Variants in CERS5 observed in about 807,000 individuals in gnomAD.
The protein encoded by CERS5 is LAG1 homolog, ceramide synthase 5.
A neutral mutation model predicts 58.9 loss-of-function variants in CERS5; 37 were observed. That is an observed-to-expected ratio of 0.63 (90% CI 0.48 to 0.83). The LOEUF (loss-of-function observed/expected upper bound fraction) is 0.83, where lower values mean the gene tolerates loss of function less well. Ranked by LOEUF, CERS5 falls within the 40% of genes least tolerant of loss-of-function variation. The pLI is 0.00. For synonymous variants in CERS5, 147 were observed against 177.8 expected (o/e 0.83, Z 1.38); for missense variants, 398 against 489.3 (o/e 0.81, Z 1.76).
intron 9 of CERS5, among the ~76,000 whole-genome samples, chr12:50,130,926 GGTAGAGGAGTGT>G (rs1951283431): frequency 6.6e-6 from 1 of 152,158 alleles, no homozygotes. Flanking sequence ...AAGCTACTTT[GGTAGAGGAGTGT>G]GTCTTTCAGG....
At chr12:50,138,063 A>G (rs1951779370) in intron 5 of CERS5, among the ~76,000 whole-genome samples, 1 of 152,324 alleles carries the variant, frequency 6.6e-6, no homozygotes. Flanking sequence ...CAGTTAACAC[A>G]TACTGTAACA....
chr12:50,135,305 AGGAGTGTGTGTGTGTGT>A lies in CERS5; in HGVS notation c.872+410_872+426del. On this transcript the variant is annotated intron_variant, in intron 8 of 9. Coordinates refer to ENST00000317551, the MANE Select transcript of CERS5 (RefSeq NM_147190.5). The stretch of plus-strand genomic sequence containing the variant: ...AGAGGAGAGGGAGGAAGAGAGAGAG[AGGAGTGTGTGTGTGTGT>A]GTGTGTGTGTGTGTGTGTGTGTGTG... The A allele has an allele frequency of 5.1e-5, 11 of 216,928 alleles. No individual in the cohort carries two copies. The East Asian group carries it at 1.2e-3, about 24-fold the overall frequency. 13.4% of individuals were successfully genotyped at this position (216,928 alleles called of 1,614,324 possible). A position where few individuals can be genotyped will look rare whatever the true frequency, so the allele number is the denominator to read the frequency against.
intron 1 of CERS5, among the ~76,000 whole-genome samples, chr12:50,153,643 A>T (rs980139222): frequency 1.3e-5 from 2 of 152,160 alleles, no homozygotes; most frequent in African/African-American, 4.8e-5. Context: ...CAAATGATGG[A>T]TACATGATGT....
intron 9 of CERS5, chr12:50,133,297 G>A (rs1214468143): frequency 9.3e-7 from 1 of 1,076,396 alleles, no homozygotes; most frequent in African/African-American, 1.6e-5. Context: ...CTAGCCCTTT[G>A]ACTACAGTCT....
At chr12:50,135,501 C>CT (rs1190038216) in intron 8 of CERS5, 2 of 692,472 alleles carry the variant, frequency 2.9e-6, no homozygotes, top group Admixed American at 2.0e-5. Context: ...GCCGGGTACT[C>CT]TGAGTCTGGA....
At chr12:50,139,814 C>G (rs1951869460) in intron 4 of CERS5, among the ~76,000 whole-genome samples, 2 of 152,050 alleles carry the variant, frequency 1.3e-5, no homozygotes. Context: ...CAAACAAAAA[C>G]CCCACAAATG....
chr12:50,166,038 C>T (rs907145264), intron 1 of CERS5: 1 of 431,234 alleles, frequency 2.3e-6, no homozygotes, highest in Non-Finnish European at 4.6e-6. Flanking sequence ...GAAGCTGGCT[C>T]AAGGCCGGGT....
At chr12:50,150,527 C>G (rs1026394803) in intron 1 of CERS5, among the ~76,000 whole-genome samples, 2 of 151,982 alleles carry the variant, frequency 1.3e-5, no homozygotes, top group Non-Finnish European at 1.5e-5. Context: ...AGAGAAAGAA[C>G]AGAATATACG....
At chr12:50,139,981 T>C (rs1317295471) in intron 4 of CERS5, among the ~76,000 whole-genome samples, 1 of 151,660 alleles carries the variant, frequency 6.6e-6, no homozygotes, top group Non-Finnish European at 1.5e-5. Context: ...TACCTTAGCC[T>C]CAAAGTGAGG....
chr12:50,143,004 A>G (rs1337311838), intron 3 of CERS5, 70 bp downstream of exon 3: 3 of 1,495,780 alleles, frequency 2.0e-6, no homozygotes, highest in Non-Finnish European at 2.7e-6. Context: ...GTGATGTTCA[A>G]AACAGAAACT....
intron 1 of CERS5, among the ~76,000 whole-genome samples, chr12:50,155,989 T>C (rs1938552611): frequency 6.8e-6 from 1 of 146,148 alleles, no homozygotes; most frequent in African/African-American, 2.5e-5. Context: ...CAGTCCCAGC[T>C]ACTCGGAGGC....
Position 50,130,677 on chromosome 12 carries a change from G to A in CERS5, c.1047C>T (p.Arg349=). 6.3e-7 allele frequency: 1 copy of A among 1,596,198 alleles called. No homozygotes were observed. The highest frequency in any genetic ancestry group is 1.3e-5 in the African/African-American group (1 of 74,762). Residue 349 remains arginine (R), a synonymous_variant, in exon 10 of 10, where the codon CGC becomes CGT. Transcript: ENST00000317551. The part of the protein sequence containing the change: ...LIRGKVSKDD[R]SDVESSSEEE... ...CCTCTGAGCTGCTCTCCACATCACT[G>A]CGATCATCCTTCGATACCTGGGTGG...
At position 50,137,771 on chromosome 12, in the gene CERS5, T is replaced by A; in HGVS notation, c.593A>T (p.Tyr198Phe). The stretch of plus-strand genomic sequence containing the variant: ...AAACTGAGAAAACATAAGGGACCAA[T>A]AGAAGGCCAATTCCATGATATAATA... ...YHYYIMELAF[Y>F]WSLMFSQFTD... The change falls in exon 6 of 10, where the codon TAT (tyrosine) becomes TTT (phenylalanine). Residue 198 changes from tyrosine (Y) to phenylalanine (F), a missense_variant. By Grantham distance (22) the Tyr-to-Phe change is conservative (BLOSUM62 3). Transcript: ENST00000317551. 6.2e-7 allele frequency: 1 copy of A among 1,610,568 alleles called. No homozygotes were observed. The highest frequency in any genetic ancestry group is 8.5e-7 in the Non-Finnish European group (1 of 1,177,244).
rs779766674 is a variant in CERS5, at chr12:50,143,187, C to G, written c.321G>C (p.Arg107Ser). Residue 107 changes from arginine (R) to serine (S), a missense_variant, in exon 3 of 10, where the codon AGG becomes AGC. By Grantham distance (110) the Arg-to-Ser change is moderately radical. Transcript: ENST00000317551. Reference sequence around the variant, plus strand: ...CCAGCTGCTTTGACAGGCCCTCCAGCCTTTTCTTATCAGGATACTGTGAAT... The same window carrying G: ...CCAGCTGCTTTGACAGGCCCTCCAGGCTTTTCTTATCAGGATACTGTGAAT... ...ISITKYPDKK[R>S]LEGLSKQLDW... The G allele has an allele frequency of 4.4e-5, 71 of 1,614,080 alleles. No homozygotes were observed. Among genetic ancestry groups the G allele is most frequent in the Non-Finnish European group, 5.8e-5 (69 of 1,180,002 alleles).
At chr12:50,142,639 A>C (rs1213606113) in intron 3 of CERS5, among the ~76,000 whole-genome samples, 1 of 152,126 alleles carries the variant, frequency 6.6e-6, no homozygotes, top group East Asian at 1.9e-4. Flanking sequence ...TTTTCTTTAC[A>C]TGACAATTAC....
In CERS5 at chr12:50,141,939, C is replaced by CAAAAA. The variant is rs35739493; in HGVS notation, c.492+109_492+113dup. The CAAAAA allele has an allele frequency of 1.5e-3, 613 of 406,700 alleles. 1 individual carries two copies. The highest frequency in any genetic ancestry group is 3.8e-3 in the South Asian group (157 of 41,418). 25.2% of individuals were successfully genotyped at this position (406,700 alleles called of 1,614,324 possible). On this transcript the variant is annotated intron_variant, in intron 4 of 9. Coordinates refer to ENST00000317551, the MANE Select transcript of CERS5 (RefSeq NM_147190.5). ...TGGGTGACAGAGCAAGACTCCGTCT[C>CAAAAA]AAAAAAAAAAAAAAAAAAAGAAAAG...
At chr12:50,148,465 C>T (rs1378779998) in intron 1 of CERS5, 2 of 239,428 alleles carry the variant, frequency 8.4e-6, no homozygotes, top group Non-Finnish European at 1.8e-5. Context: ...GGCATGGCGG[C>T]ACATACCTGT....
intron 6 of CERS5, among the ~76,000 whole-genome samples, chr12:50,136,799 T>A (rs1444658142): frequency 1.3e-5 from 2 of 152,214 alleles, no homozygotes; most frequent in Non-Finnish European, 2.9e-5. Flanking sequence ...GGTTCAAATG[T>A]CAAGTTAGAC....
At chr12:50,151,164 C>T (rs1408817659) in intron 1 of CERS5, among the ~76,000 whole-genome samples, 1 of 152,012 alleles carries the variant, frequency 6.6e-6, no homozygotes, top group Non-Finnish European at 1.5e-5. Flanking sequence ...TAAACTCCCA[C>T]ACATTCCTCA....
Sources: gnomAD v4.1 joint callset for allele counts (sites outside exome capture counted in the v4.1 genomes callset) on GRCh38, gnomAD v4.1.1 for gene constraint, MANE v1.5 for transcripts, NCBI Gene and HGNC (gene_info 2026-07-23, HGNC 2026-07-21) for gene names.